Variants in ASAP1 observed in about 807,000 individuals in gnomAD.
ASAP1 encodes the protein ArfGAP with SH3 domain, ankyrin repeat and PH domain 1, also known as arf-GAP with SH3 domain, ANK repeat and PH domain-containing protein 1.
Under a neutral mutation model 145.2 loss-of-function variants are expected in ASAP1, and 43 were observed. The observed-to-expected ratio is 0.30, with a 90% confidence interval of 0.23 to 0.38. The LOEUF (loss-of-function observed/expected upper bound fraction) is 0.38, where lower values mean the gene tolerates loss of function less well. Ranked by LOEUF, ASAP1 falls within the 10% of genes least tolerant of loss-of-function variation. The probability of loss-of-function intolerance (pLI) is 1.00; values close to 1 mark genes in which losing one functional copy is unlikely to be tolerated. For synonymous variants in ASAP1, 546 were observed against 515.5 expected (o/e 1.06, Z -0.80); for missense variants, 1,018 against 1,355.3 (o/e 0.75, Z 3.91).
At chr8:130,390,099 CA>C (rs568800679) in intron 2 of ASAP1, among the ~76,000 whole-genome samples, 143 of 152,304 alleles carry the variant, frequency 9.4e-4, no homozygotes, top group Middle Eastern at 3.4e-3. Context: ...TGATTTTTAA[CA>C]GCTCCCCAGG....
At chr8:130,312,212 C>T (rs1022532542) in intron 3 of ASAP1, among the ~76,000 whole-genome samples, 9 of 150,816 alleles carry the variant, frequency 6.0e-5, no homozygotes, top group South Asian at 2.1e-4. Context: ...GGGAGGTCGA[C>T]GCTGTAGTGA....
chr8:130,256,260 G>A (rs1027145671), intron 3 of ASAP1, among the ~76,000 whole-genome samples: 16 of 152,158 alleles, frequency 1.1e-4, no homozygotes, highest in African/African-American at 3.9e-4. Context: ...ACACTTCAGA[G>A]ATGTTTTCCT....
chr8:130,110,315 G>A (rs1215051887), intron 24 of ASAP1, among the ~76,000 whole-genome samples: 1 of 152,162 alleles, frequency 6.6e-6, no homozygotes, highest in African/African-American at 2.4e-5. Flanking sequence ...CATAGGCTGT[G>A]CCTGTCTAGA....
chr8:130,115,985 TA>T (rs1204338077), intron 22 of ASAP1, among the ~76,000 whole-genome samples: 1 of 152,210 alleles, frequency 6.6e-6, no homozygotes, highest in Admixed American at 6.5e-5. Context: ...TTCTTCTTAT[TA>T]AATGGGCCTC....
chr8:130,279,835 C>T (rs1821150025), intron 3 of ASAP1, among the ~76,000 whole-genome samples: 2 of 151,190 alleles, frequency 1.3e-5, no homozygotes, highest in African/African-American at 4.8e-5. Context: ...TAGGGGCGTC[C>T]ATAACTAAAG....
At chr8:130,077,020 T>A (rs904834060) in intron 26 of ASAP1, among the ~76,000 whole-genome samples, 13 of 152,138 alleles carry the variant, frequency 8.5e-5, no homozygotes, top group Non-Finnish European at 1.0e-4. Context: ...TCCCACATGA[T>A]CCCACAAAGC....
At chr8:130,089,494 G>A (rs987833439) in intron 25 of ASAP1, among the ~76,000 whole-genome samples, 1 of 152,172 alleles carries the variant, frequency 6.6e-6, no homozygotes, top group African/African-American at 2.4e-5. Context: ...GAACATAAGA[G>A]CGTTGGAAAG....
intron 27 of ASAP1, among the ~76,000 whole-genome samples, chr8:130,067,553 ACT>A (rs2097433226): frequency 6.6e-6 from 1 of 151,880 alleles, no homozygotes; most frequent in Non-Finnish European, 1.5e-5. Context: ...GGACCACCAC[ACT>A]CTGCTAATTT....
chr8:130,369,743 G>A lies in ASAP1; in HGVS notation c.60-11600C>T, dbSNP rs1186136653. ...TGACAAGTATTGTCAAGGATGTGAA[G>A]AAACTGGAACCCACCACATTGCTGG... On this transcript the variant is annotated intron_variant, in intron 2 of 29. Coordinates refer to ENST00000518721, the MANE Select transcript of ASAP1 (RefSeq NM_018482.4). Among the ~76,000 whole-genome samples the A allele has an allele frequency of 2.0e-5, 3 of 152,302 alleles. No individual in the cohort carries two copies. The East Asian group carries it at 5.8e-4, about 29-fold the overall frequency.
intron 18 of ASAP1, among the ~76,000 whole-genome samples, chr8:130,120,594 A>T (rs575157548): frequency 1.2e-4 from 18 of 152,168 alleles, no homozygotes; most frequent in Non-Finnish European, 2.5e-4. Context: ...ATCTTAGATT[A>T]CTGTTTCCAT....
chr8:130,232,251 T>G (rs1007354424), intron 4 of ASAP1, among the ~76,000 whole-genome samples: 4 of 152,194 alleles, frequency 2.6e-5, no homozygotes, highest in Non-Finnish European at 5.9e-5. Flanking sequence ...TTAGGCTCTA[T>G]CTTTCTAAAG....
rs1157456025 is a variant in ASAP1 at position 130,253,273 on chromosome 8, A to G, written c.187-16279T>C. On this transcript the variant is annotated intron_variant, in intron 3 of 29. Coordinates refer to ENST00000518721, the MANE Select transcript of ASAP1 (RefSeq NM_018482.4). ...GGCTGTGCCTCAGTTTCCTCCCTCT[A>G]TAAAACAGGGAAATTTATAGTAATT... Among the ~76,000 whole-genome samples, 3 of 152,214 alleles carry G rather than the reference A, an allele frequency of 2.0e-5. No individual in the cohort carries two copies. The East Asian group carries it at 5.8e-4, about 29-fold the overall frequency.
chr8:130,322,809 G>T (rs1416072252), intron 3 of ASAP1, among the ~76,000 whole-genome samples: 1 of 152,192 alleles, frequency 6.6e-6, no homozygotes, highest in African/African-American at 2.4e-5. Flanking sequence ...GCAGAATGTG[G>T]TAAGAGCAAA....
chr8:130,304,663 T>G lies in ASAP1; in HGVS notation c.186+53354A>C, dbSNP rs1822884218. On this transcript the variant is annotated intron_variant, in intron 3 of 29. Coordinates refer to ENST00000518721, the MANE Select transcript of ASAP1 (RefSeq NM_018482.4). ...TTCAAATGTGTGATGTTTTCAATTT[T>G]ACACAGGAAGTACATCACCAACTAA... Among the ~76,000 whole-genome samples the G allele has an allele frequency of 2.0e-5, 3 of 152,196 alleles. 1 individual carries two copies. In the South Asian group the frequency reaches 6.2e-4, roughly 31 times the overall value.
intron 24 of ASAP1, among the ~76,000 whole-genome samples, chr8:130,111,544 A>AT (rs1184958448): frequency 1.3e-5 from 2 of 152,210 alleles, no homozygotes; most frequent in African/African-American, 4.8e-5. Flanking sequence ...CACCTACCTC[A>AT]TTTTGAGATG....
At chr8:130,105,328 G>A (rs1006145178) in intron 24 of ASAP1, among the ~76,000 whole-genome samples, 3 of 152,172 alleles carry the variant, frequency 2.0e-5, no homozygotes, top group Non-Finnish European at 2.9e-5. Flanking sequence ...AGGAGAATGC[G>A]TGTAGGTTAT....
At chr8:130,405,197 T>C (rs1828970199) in intron 1 of ASAP1, among the ~76,000 whole-genome samples, 1 of 152,204 alleles carries the variant, frequency 6.6e-6, no homozygotes, top group Admixed American at 6.5e-5. Context: ...CAGCTGTTCT[T>C]GCAGAATTCC....
chr8:130,172,210 A>T (rs979033593), intron 9 of ASAP1, among the ~76,000 whole-genome samples: 3 of 152,232 alleles, frequency 2.0e-5, no homozygotes, highest in Non-Finnish European at 4.4e-5. Flanking sequence ...TAACTTTATC[A>T]TATAAGGAAC....
intron 24 of ASAP1, among the ~76,000 whole-genome samples, chr8:130,107,180 C>CTT (rs375105720): frequency 0.18 from 20,078 of 112,628 alleles, 2,783 homozygotes; most frequent in East Asian, 0.44. Flanking sequence ...CTCTCTTCTT[C>CTT]TTCTTTTTTT....
Sources: allele counts gnomAD v4.1 joint callset (sites outside exome capture counted in the v4.1 genomes callset), GRCh38; gene constraint gnomAD v4.1.1; transcripts MANE v1.5; gene names NCBI Gene and HGNC (gene_info 2026-07-23, HGNC 2026-07-21).